ZNF80: variants seen among roughly 807,000 people sequenced by gnomAD.
ZNF80 encodes the protein ZNFPT17.
For synonymous variants in ZNF80, 132 were observed against 119.4 expected, an observed-to-expected ratio of 1.11 and a Z score of -0.69; for missense variants, 394 against 334.1, an observed-to-expected ratio of 1.18 and a Z score of -1.40.
Position 114,236,455 on chromosome 3 carries a change from T to A in ZNF80, c.620A>T (p.His207Leu), listed in dbSNP as rs778472424. Residue 207 changes from histidine (H) to leucine (L), a missense_variant, in exon 1 of 1, where the codon CAT becomes CTT. Transcript: ENST00000482457. The part of the protein sequence containing the change: ...TFTYRSVFFR[H>L]SMTHTAGKPY... Reference sequence around the variant, plus strand: ...CTTTCCTGCAGTGTGGGTCATACTATGTCGGAAGAAAACAGAGCGGTAGGT... The same window carrying A: ...CTTTCCTGCAGTGTGGGTCATACTAAGTCGGAAGAAAACAGAGCGGTAGGT... 6.2e-7 allele frequency: 1 copy of A among 1,612,560 alleles called. No homozygotes were observed. The highest frequency in any genetic ancestry group is 1.7e-5 in the Admixed American group (1 of 59,922).
Position 114,236,318 on chromosome 3 carries a change from C to T in ZNF80, c.757G>A (p.Asp253Asn). The T allele has an allele frequency of 1.2e-6, 2 of 1,613,772 alleles. No individual in the cohort carries two copies. Among genetic ancestry groups the T allele is most frequent in the Non-Finnish European group, 1.7e-6 (2 of 1,179,766 alleles). The change falls in exon 1 of 1, where the codon GAC becomes AAC. Residue 253 changes from aspartate to asparagine, a missense_variant. Transcript: ENST00000482457. ...GCAAAAGCAGAGTGGTAGCCAAAGT[C>T]CTTTCTATGTTCAAGGCACTCATAA... ...KPYECLEHRK[D>N]FGYHSAFAQQ...
In ZNF80 at chr3:114,237,194, G is replaced by A. The variant is rs2078208318; in HGVS notation, c.-120C>T. On this transcript the variant is annotated 5_prime_UTR_variant, in exon 1 of 1. Coordinates refer to ENST00000482457, the MANE Select transcript of ZNF80 (RefSeq NM_007136.4). The stretch of plus-strand genomic sequence containing the variant: ...TCACTGACTTCAAGAATGAAGCCGC[G>A]GACCCTTGTGGTGAGTGTTACAGCT... 5 of 822,720 alleles carry A rather than the reference G, an allele frequency of 6.1e-6. No homozygotes were observed. Among genetic ancestry groups the A allele is most frequent in the Non-Finnish European group, 9.8e-6 (5 of 508,042 alleles). 51.0% of individuals were successfully genotyped at this position (822,720 alleles called of 1,614,324 possible).
chr3:114,237,093 C>G lies in ZNF80; in HGVS notation c.-19G>C. ...GGCTCATCTTCCTCCAGAAGGTCTC[C>G]GTGTGGGAGACTGCAGCCAAACTCA... On this transcript the variant is annotated 5_prime_UTR_variant, in exon 1 of 1. Transcript: ENST00000482457. The G allele has an allele frequency of 6.4e-7, 1 of 1,563,614 alleles. No homozygotes were observed. The highest frequency in any genetic ancestry group is 8.6e-7 in the Non-Finnish European group (1 of 1,157,436).
chr3:114,237,260 G>A lies in ZNF80; in HGVS notation c.-186C>T, dbSNP rs189222605. ...CTAGAGTTTGTTCCTTCTGATGTTC[G>A]GATGTGTTCGGAGTTTCTTCCTTCT... On this transcript the variant is annotated 5_prime_UTR_variant, in exon 1 of 1. Coordinates refer to ENST00000482457, the MANE Select transcript of ZNF80 (RefSeq NM_007136.4). 5.1e-5 allele frequency: 28 copies of A among 552,946 alleles called. No homozygotes were observed. Among genetic ancestry groups the A allele is most frequent in the African/African-American group, 3.4e-4 (18 of 53,130 alleles). 34.3% of individuals were successfully genotyped at this position (552,946 alleles called of 1,614,324 possible).
rs1311723127 is a variant in ZNF80, at chr3:114,235,843, T to C, written c.*410A>G. The C allele has an allele frequency of 6.7e-6, 1 of 149,686 alleles. No homozygotes were observed. Among genetic ancestry groups the C allele is most frequent in the Non-Finnish European group, 1.5e-5 (1 of 68,296 alleles). The allele number at this position is 149,686 out of a possible 1,614,324, so 9.3% of individuals were successfully genotyped here. A position where few individuals can be genotyped will look rare whatever the true frequency, so the allele number is the denominator to read the frequency against. ...TCTCTTTTACAGTTCCCTTCTTACT[T>C]AAAAAAAAAAAATCCTGAAGTGGCT... is the stretch of plus-strand genomic sequence containing the variant. On this transcript the variant is annotated 3_prime_UTR_variant, in exon 1 of 1. Coordinates refer to ENST00000482457, the MANE Select transcript of ZNF80 (RefSeq NM_007136.4).
Position 114,236,894 on chromosome 3 carries a change from T to G in ZNF80, c.181A>C (p.Asn61His). 1 of 1,614,216 alleles carries G rather than the reference T, an allele frequency of 6.2e-7. No homozygotes were observed. Among genetic ancestry groups the G allele is most frequent in the Middle Eastern group, 1.6e-4 (1 of 6,062 alleles). ...TGCTGATGTCGAACAAGGAGGCTGT[T>G]TTTGTTAAACACGCTCCCACATTCC... Reference protein sequence around the residue: ...CKECGSVFNKNSLLVRHQQIH... With the variant: ...CKECGSVFNKHSLLVRHQQIH... Residue 61 changes from asparagine to histidine, a missense_variant, in exon 1 of 1, where the codon AAC becomes CAC. By Grantham distance (68) the Asn-to-His change is moderately conservative (BLOSUM62 1). Transcript: ENST00000482457.
chr3:114,236,336 A>G lies in ZNF80; in HGVS notation c.739T>C (p.Cys247Arg). 1 of 1,613,982 alleles carries G rather than the reference A, an allele frequency of 6.2e-7. No homozygotes were observed. The highest frequency in any genetic ancestry group is 1.1e-5 in the South Asian group (1 of 91,078). The change falls in exon 1 of 1, where the codon TGC becomes CGC. Residue 247 changes from cysteine (C) to arginine (R), a missense_variant. Transcript: ENST00000482457. ...RSHTGEKPYE[C>R]LEHRKDFGYH... The stretch of plus-strand genomic sequence containing the variant: ...CCAAAGTCCTTTCTATGTTCAAGGC[A>G]CTCATAAGGTTTCTCTCCAGTGTGA...
rs1223493780 is a variant in ZNF80 at position 114,235,727 on chromosome 3, A to G, written c.*526T>C. ...ACGAGGCAAGGCCTTTGTACCTTTCAGCCATCTGCAAAATGAAGAACTGAA... is the reference window on the plus strand; with the variant it reads ...ACGAGGCAAGGCCTTTGTACCTTTCGGCCATCTGCAAAATGAAGAACTGAA... On this transcript the variant is annotated 3_prime_UTR_variant, in exon 1 of 1. Coordinates refer to ENST00000482457, the MANE Select transcript of ZNF80 (RefSeq NM_007136.4). 1.3e-5 allele frequency: 2 copies of G among 153,204 alleles called. No homozygotes were observed. The highest frequency in any genetic ancestry group is 3.8e-4 in the East Asian group (2 of 5,220). The allele number at this position is 153,204 out of a possible 1,614,324, so 9.5% of individuals were successfully genotyped here.
chr3:114,236,984 CATGGAGAT>C, exon 1 of ZNF80: 5 of 1,614,200 alleles, frequency 3.1e-6, no homozygotes, highest in Non-Finnish European at 4.2e-6. Context: ...GAGTCACATT[CATGGAGAT>C]TGTCTCCTGT....
In ZNF80 at chr3:114,236,994, G is replaced by A. The variant is rs761340166; in HGVS notation, c.81C>T (p.Asp27=). Residue 27 remains aspartate, a synonymous_variant, in exon 1 of 1, where the codon GAC becomes GAT. Transcript: ENST00000482457. The part of the protein sequence containing the change: ...QVLQEQVSTG[D]NLHECDSQGP... ...CCTGGGAGTCACATTCATGGAGATT[G>A]TCTCCTGTGGAGACCTGCTCCTGTA... 2.5e-6 allele frequency: 4 copies of A among 1,614,154 alleles called. No individual in the cohort carries two copies. Among genetic ancestry groups the A allele is most frequent in the Non-Finnish European group, 3.4e-6 (4 of 1,179,986 alleles).
rs759155465 is a variant in ZNF80 at position 114,236,722 on chromosome 3, G to T, written c.353C>A (p.Ser118Ter). ...AATCTGGCGGTAGCACAGGAGGTGC[G>T]ACCTGCGGTTGAAGACCTTCCCGCA... Residue 118 changes from serine (S) to a stop codon, truncating the protein, a stop_gained and NMD_transcript_variant, in exon 1 of 2, where the codon TCG becomes TAG. Transcript: ENST00000308095. 3.1e-6 allele frequency: 5 copies of T among 1,614,026 alleles called. No individual in the cohort carries two copies. The Admixed American group carries it at 8.3e-5, about 27-fold the overall frequency.
At position 114,236,379 on chromosome 3, in the gene ZNF80, G is replaced by A; in HGVS notation, c.696C>T (p.Leu232=). Reference sequence around the variant, plus strand: ...CAGTGTGACTCCTTGTATGTCGAGTGAGGGAATAGCTGTAGTAAAAACCTT... The same window carrying A: ...CAGTGTGACTCCTTGTATGTCGAGTAAGGGAATAGCTGTAGTAAAAACCTT... The part of the protein sequence containing the change: ...CGKGFYYSYS[L]TRHTRSHTGE... The change falls in exon 1 of 1, where the codon CTC becomes CTT. Residue 232 remains leucine, a synonymous_variant. Transcript: ENST00000482457. 2 of 1,612,672 alleles carry A rather than the reference G, an allele frequency of 1.2e-6. No homozygotes were observed. The highest frequency in any genetic ancestry group is 1.7e-6 in the Non-Finnish European group (2 of 1,179,034).
exon 1 of ZNF80, chr3:114,236,961 AC>A: frequency 6.2e-7 from 1 of 1,614,182 alleles, no homozygotes; most frequent in Non-Finnish European, 8.5e-7. Flanking sequence ...AAGTGTCTTT[AC>A]TTGGTCCCTG....
chr3:114,236,556 G>A lies in ZNF80; in HGVS notation c.519C>T (p.Asn173=). ...CKECGKTFYY[N]SSLTRHMKIH... ...TCTTCATGTGCCGGGTTAAGGAAGA[G>A]TTGTAGTAAAAGGTTTTTCCACATT... Residue 173 remains asparagine, a synonymous_variant, in exon 1 of 1, where the codon AAC becomes AAT. Coordinates refer to ENST00000482457, the MANE Select transcript of ZNF80 (RefSeq NM_007136.4). 2 of 1,613,990 alleles carry A rather than the reference G, an allele frequency of 1.2e-6. No homozygotes were observed. The highest frequency in any genetic ancestry group is 1.7e-6 in the Non-Finnish European group (2 of 1,180,006).
Position 114,236,075 on chromosome 3 carries a change from C to G in ZNF80, c.*178G>C, listed in dbSNP as rs1018570372. 2.0e-6 allele frequency: 1 copy of G among 505,986 alleles called. No homozygotes were observed. The highest frequency in any genetic ancestry group is 3.4e-6 in the Non-Finnish European group (1 of 293,428). The allele number at this position is 505,986 out of a possible 1,614,324, so 31.3% of individuals were successfully genotyped here. On this transcript the variant is annotated 3_prime_UTR_variant, in exon 1 of 1. Coordinates refer to ENST00000482457, the MANE Select transcript of ZNF80 (RefSeq NM_007136.4). ...TGTGGGCCCACTTGCAAAAGGCCTTCCCACATATCTCATAGAGTTTATCTC... is the reference window on the plus strand; with the variant it reads ...TGTGGGCCCACTTGCAAAAGGCCTTGCCACATATCTCATAGAGTTTATCTC...
At position 114,236,158 on chromosome 3, in the gene ZNF80, G is replaced by A; in HGVS notation, c.*95C>T. The A allele has an allele frequency of 1.1e-6, 1 of 889,648 alleles. No homozygotes were observed. The highest frequency in any genetic ancestry group is 1.8e-5 in the South Asian group (1 of 56,778). The allele number at this position is 889,648 out of a possible 1,614,324, so 55.1% of individuals were successfully genotyped here. A position where few individuals can be genotyped will look rare whatever the true frequency, so the allele number is the denominator to read the frequency against. On this transcript the variant is annotated 3_prime_UTR_variant, in exon 1 of 1. Coordinates refer to ENST00000482457, the MANE Select transcript of ZNF80 (RefSeq NM_007136.4). ...AGCTGCAGGTCACAGCTTTCCTACT[G>A]CCACTGAATTCAGAGTGCTTCTCCT...
At position 114,236,755 on chromosome 3, in the gene ZNF80, C is replaced by T; in HGVS notation, c.320G>A (p.Cys107Tyr). The change falls in exon 1 of 1, where the codon TGC (cysteine) becomes TAC (tyrosine). Residue 107 changes from cysteine (C) to tyrosine (Y), a missense_variant. Cys to Tyr is a radical substitution (Grantham distance 194). Coordinates refer to ENST00000482457, the MANE Select transcript of ZNF80 (RefSeq NM_007136.4). ...GTTGAAGACCTTCCCGCACTCCACG[C>T]ACTTACAGGGCTTCTCCCCTGTGTG... Reference protein sequence around the residue: ...RIHTGEKPCKCVECGKVFNRR... With the variant: ...RIHTGEKPCKYVECGKVFNRR... The T allele has an allele frequency of 6.2e-7, 1 of 1,614,198 alleles. No homozygotes were observed. The highest frequency in any genetic ancestry group is 8.5e-7 in the Non-Finnish European group (1 of 1,180,034).
In ZNF80 at chr3:114,237,295, G is replaced by C; in HGVS notation, c.-221C>G. The C allele has an allele frequency of 2.1e-6, 1 of 467,442 alleles. No individual in the cohort carries two copies. Among genetic ancestry groups the C allele is most frequent in the South Asian group, 3.7e-5 (1 of 26,864 alleles). The allele number at this position is 467,442 out of a possible 1,614,324, so 29.0% of individuals were successfully genotyped here. ...GGAGTTTCTTCCTTCTGGCGGGTTCGTGGTCTCGCTGGCTCAGGAGTGAAG... is the reference window on the plus strand; with the variant it reads ...GGAGTTTCTTCCTTCTGGCGGGTTCCTGGTCTCGCTGGCTCAGGAGTGAAG... On this transcript the variant is annotated 5_prime_UTR_variant, in exon 1 of 1. Transcript: ENST00000482457.
chr3:114,236,849 G>C lies in ZNF80; in HGVS notation c.226C>G (p.Pro76Ala). 1 of 1,614,156 alleles carries C rather than the reference G, an allele frequency of 6.2e-7. No homozygotes were observed. Among genetic ancestry groups the C allele is most frequent in the Non-Finnish European group, 8.5e-7 (1 of 1,180,022 alleles). ...TTTCCACACTCCTGGCATTCATAAG[G>C]CTTCACCCCAGTGTGAATCTGCTGA... Reference protein sequence around the residue: ...RHQQIHTGVKPYECQECGKAF... With the variant: ...RHQQIHTGVKAYECQECGKAF... The change falls in exon 1 of 1, where the codon CCT (proline) becomes GCT (alanine). Residue 76 changes from proline (P) to alanine (A), a missense_variant. Physicochemically the swap from Pro to Ala is conservative, Grantham distance 27 (BLOSUM62 -1). Coordinates refer to ENST00000482457, the MANE Select transcript of ZNF80 (RefSeq NM_007136.4).
Sources: gnomAD v4.1 joint callset for allele counts on GRCh38, gnomAD v4.1.1 for gene constraint, MANE v1.5 for transcripts, NCBI Gene and HGNC (gene_info 2026-07-23, HGNC 2026-07-21) for gene names.